RCAN2: variants seen among roughly 807,000 people sequenced by gnomAD.
RCAN2 encodes regulator of calcineurin 2, also known as calcipressin-2.
In RCAN2, 9 loss-of-function variants were observed where a neutral mutation model predicts 23.6. The observed-to-expected ratio is 0.38, with a 90% CI of 0.23 to 0.67. The LOEUF (loss-of-function observed/expected upper bound fraction) is 0.67. RCAN2 is among the 30% of genes least tolerant of loss of function. The pLI is 0.51. For synonymous variants in RCAN2, 109 were observed against 115.7 expected, an observed-to-expected ratio of 0.94 and a Z score of 0.37; for missense variants, 273 against 302.3, an observed-to-expected ratio of 0.90 and a Z score of 0.72.
At chr6:46,229,245 T>G (rs980700342) in intron 4 of RCAN2, among the ~76,000 whole-genome samples, 7 of 152,116 alleles carry the variant, frequency 4.6e-5, no homozygotes, top group Admixed American at 6.6e-5. Flanking sequence ...ACAATTATGT[T>G]TCTTGGAGTT....
chr6:46,391,841 T>C (rs1765947155), intron 2 of RCAN2, among the ~76,000 whole-genome samples: 1 of 151,892 alleles, frequency 6.6e-6, no homozygotes, highest in South Asian at 2.1e-4. Flanking sequence ...GACACTGAGG[T>C]GGAGGAGAGG....
chr6:46,403,256 C>T (rs1306339720), intron 2 of RCAN2, among the ~76,000 whole-genome samples: 1 of 151,996 alleles, frequency 6.6e-6, no homozygotes, highest in Non-Finnish European at 1.5e-5. Context: ...TGAGCCACCG[C>T]GCCCAGCCTA....
intron 2 of RCAN2, among the ~76,000 whole-genome samples, chr6:46,362,847 A>C (rs2150384480): frequency 6.6e-6 from 1 of 152,306 alleles, no homozygotes; most frequent in African/African-American, 2.4e-5. Context: ...CCCATGGAAA[A>C]CCCAGTGAAA....
intron 1 of RCAN2, among the ~76,000 whole-genome samples, chr6:46,483,492 G>A (rs141910643): frequency 4.9e-4 from 75 of 152,250 alleles, no homozygotes; most frequent in African/African-American, 1.7e-3. Flanking sequence ...CAGCATCCAG[G>A]GTGCAAGCCA....
intron 2 of RCAN2, among the ~76,000 whole-genome samples, chr6:46,278,578 C>A (rs909853521): frequency 6.6e-6 from 1 of 152,218 alleles, no homozygotes; most frequent in South Asian, 2.1e-4. Flanking sequence ...CTATAAACCA[C>A]TTTCCATTAT....
chr6:46,468,912 T>C, intron 1 of RCAN2: 2 of 900,642 alleles, frequency 2.2e-6, no homozygotes, highest in Non-Finnish European at 2.7e-6. Context: ...CCTCCTTAAC[T>C]TTACTTGTTA....
At chr6:46,306,619 A>G (rs1283470620) in intron 2 of RCAN2, among the ~76,000 whole-genome samples, 1 of 152,126 alleles carries the variant, frequency 6.6e-6, no homozygotes, top group Non-Finnish European at 1.5e-5. Context: ...TCTCACATGT[A>G]TCACACTCTG....
At chr6:46,368,870 T>C (rs1765250327) in intron 2 of RCAN2, among the ~76,000 whole-genome samples, 1 of 152,210 alleles carries the variant, frequency 6.6e-6, no homozygotes, top group African/African-American at 2.4e-5. Context: ...ACACTAAATG[T>C]ATTTTAAAAT....
chr6:46,445,287 G>A (rs1767674284), intron 2 of RCAN2, among the ~76,000 whole-genome samples: 1 of 152,054 alleles, frequency 6.6e-6, no homozygotes, highest in Admixed American at 6.6e-5. Flanking sequence ...GTAGATCCAG[G>A]CTCCAGGCCT....
At chr6:46,296,903 G>T (rs1277086360) in intron 2 of RCAN2, among the ~76,000 whole-genome samples, 1 of 152,070 alleles carries the variant, frequency 6.6e-6, no homozygotes. Context: ...TAGGTAGCAA[G>T]TCACACAGAG....
At chr6:46,363,704 C>T (rs567182827) in intron 2 of RCAN2, among the ~76,000 whole-genome samples, 4 of 151,934 alleles carry the variant, frequency 2.6e-5, no homozygotes, top group Admixed American at 6.6e-5. Flanking sequence ...CGTTTCTTAT[C>T]GTTGGGGATT....
chr6:46,290,751 A>T (rs964062870), intron 2 of RCAN2, among the ~76,000 whole-genome samples: 1 of 152,250 alleles, frequency 6.6e-6, no homozygotes. Context: ...TATGACTAAA[A>T]CCGTGAAGAC....
At chr6:46,460,671 G>T (rs1028387800) in intron 1 of RCAN2, among the ~76,000 whole-genome samples, 4 of 152,180 alleles carry the variant, frequency 2.6e-5, no homozygotes, top group Admixed American at 1.3e-4. Flanking sequence ...TCTCAATCCA[G>T]ATTGGTATTT....
Position 46,223,192 on chromosome 6 carries a change from T to C in RCAN2, c.681A>G (p.Pro227=), listed in dbSNP as rs1437921907. ...EEEDPKTSPK[P]KIIQTRRPGL... is the part of the protein sequence containing the mutation. ...CAGGACGCCGAGTTTGGATGATTTT[T>C]GGCTTTGGGGAAGTCTTTGGGTCCT... Residue 227 remains proline (P), a synonymous_variant, in exon 5 of 5, where the codon CCA becomes CCG. Coordinates refer to ENST00000371374, the MANE Select transcript of RCAN2 (RefSeq NM_001251974.2). 1 of 1,614,002 alleles carries C rather than the reference T, an allele frequency of 6.2e-7. No individual in the cohort carries two copies. The highest frequency in any genetic ancestry group is 8.5e-7 in the Non-Finnish European group (1 of 1,179,988).
At chr6:46,385,221 G>A (rs1341835118) in intron 2 of RCAN2, among the ~76,000 whole-genome samples, 1 of 152,158 alleles carries the variant, frequency 6.6e-6, no homozygotes, top group East Asian at 1.9e-4. Context: ...TCCAACCCAA[G>A]GAAAATACAG....
chr6:46,356,053 A>G (rs546669528), intron 2 of RCAN2, among the ~76,000 whole-genome samples: 4 of 152,318 alleles, frequency 2.6e-5, no homozygotes, highest in Admixed American at 6.5e-5. Flanking sequence ...AGACACAGAC[A>G]CAGACACAGA....
chr6:46,416,240 C>A (rs1368426336), intron 2 of RCAN2, among the ~76,000 whole-genome samples: 1 of 151,388 alleles, frequency 6.6e-6, no homozygotes, highest in Non-Finnish European at 1.5e-5. Context: ...GAGCTAAGGG[C>A]TAAGAAGAGG....
At chr6:46,317,744 C>A (rs762405575) in intron 2 of RCAN2, among the ~76,000 whole-genome samples, 1 of 152,148 alleles carries the variant, frequency 6.6e-6, no homozygotes, top group Non-Finnish European at 1.5e-5. Flanking sequence ...GGATTACAGG[C>A]GTAAGGCACC....
intron 2 of RCAN2, among the ~76,000 whole-genome samples, chr6:46,414,551 C>T (rs1766647305): frequency 6.6e-6 from 1 of 152,192 alleles, no homozygotes; most frequent in South Asian, 2.1e-4. Flanking sequence ...ATGAGATTAA[C>T]ATTTAAGTCA....
Sources: allele counts gnomAD v4.1 joint callset (sites outside exome capture counted in the v4.1 genomes callset), GRCh38; gene constraint gnomAD v4.1.1; transcripts MANE v1.5; gene names NCBI Gene and HGNC (gene_info 2026-07-23, HGNC 2026-07-21).